Variants in TMCC1 observed in about 807,000 individuals in gnomAD.
TMCC1 encodes the protein transmembrane and coiled-coil domain family 1.
TMCC1 carries 15 observed loss-of-function variants against 52.4 expected under a neutral mutation model. That is an observed-to-expected ratio of 0.29 (90% CI 0.19 to 0.44). The LOEUF (loss-of-function observed/expected upper bound fraction) is 0.44. TMCC1 is among the 20% of genes least tolerant of loss of function. TMCC1 has a pLI of 1.00. For missense variants in TMCC1, 503 were observed against 806.0 expected (o/e 0.62, Z 4.55); for synonymous variants, 279 against 301.9 (o/e 0.92, Z 0.79).
chr3:129,863,731 G>A (rs778994369), intron 2 of TMCC1, among the ~76,000 whole-genome samples: 67 of 152,122 alleles, frequency 4.4e-4, no homozygotes, highest in Admixed American at 1.0e-3. Flanking sequence ...GCGTGGTGGC[G>A]CGCACCTGTA....
chr3:129,776,079 T>C (rs1454171598), intron 4 of TMCC1, among the ~76,000 whole-genome samples: 1 of 152,156 alleles, frequency 6.6e-6, no homozygotes, highest in African/African-American at 2.4e-5. Flanking sequence ...ACTCCTCCTC[T>C]CTCCCAAGAC....
chr3:129,717,144 AACTC>A (rs1335205321), intron 4 of TMCC1, among the ~76,000 whole-genome samples: 1 of 152,176 alleles, frequency 6.6e-6, no homozygotes, highest in Non-Finnish European at 1.5e-5. Context: ...AGATTATTCA[AACTC>A]ACTGTCTACA....
chr3:129,843,341 C>A (rs1198339596), intron 2 of TMCC1, among the ~76,000 whole-genome samples: 1 of 150,118 alleles, frequency 6.7e-6, no homozygotes, highest in Non-Finnish European at 1.5e-5. Flanking sequence ...AGCAAGACAC[C>A]GTCTCAAAAA....
chr3:129,664,801 A>G (rs1156249196), intron 5 of TMCC1, among the ~76,000 whole-genome samples: 1 of 152,220 alleles, frequency 6.6e-6, no homozygotes, highest in African/African-American at 2.4e-5. Context: ...TTGGTAGCCT[A>G]TTAATATATT....
At chr3:129,881,208 G>C (rs959421516) in intron 1 of TMCC1, among the ~76,000 whole-genome samples, 1 of 152,156 alleles carries the variant, frequency 6.6e-6, no homozygotes, top group Non-Finnish European at 1.5e-5. Context: ...TGATCACATG[G>C]AGGTAATACC....
At chr3:129,845,993 C>A (rs1289698635) in intron 2 of TMCC1, among the ~76,000 whole-genome samples, 1 of 151,616 alleles carries the variant, frequency 6.6e-6, no homozygotes, top group East Asian at 1.9e-4. Flanking sequence ...GTGTTCACAT[C>A]ACTGCACTTC....
At chr3:129,772,783 T>C (rs1223352992) in intron 4 of TMCC1, among the ~76,000 whole-genome samples, 1 of 145,884 alleles carries the variant, frequency 6.9e-6, no homozygotes, top group Non-Finnish European at 1.5e-5. Context: ...TTTAAACATA[T>C]GAAAAGATAC....
At chr3:129,814,731 CAAA>C (rs1292027361) in intron 4 of TMCC1, among the ~76,000 whole-genome samples, 2 of 151,572 alleles carry the variant, frequency 1.3e-5, no homozygotes, top group Non-Finnish European at 2.9e-5. Flanking sequence ...AACTGGAAAA[CAAA>C]AAAGAGTAGA....
intron 2 of TMCC1, among the ~76,000 whole-genome samples, chr3:129,868,041 A>G (rs1456744433): frequency 1.3e-5 from 2 of 152,230 alleles, no homozygotes; most frequent in Admixed American, 6.5e-5. Flanking sequence ...AACATTTAAA[A>G]TATTAATTTA....
At chr3:129,705,680 GC>G (rs1227900240) in intron 4 of TMCC1, among the ~76,000 whole-genome samples, 18 of 147,110 alleles carry the variant, frequency 1.2e-4, no homozygotes, top group East Asian at 8.1e-4. Flanking sequence ...TCGGCTCACT[GC>G]AAGCTCCGCC....
At chr3:129,657,902 T>C (rs1028302428) in intron 5 of TMCC1, among the ~76,000 whole-genome samples, 5 of 152,130 alleles carry the variant, frequency 3.3e-5, no homozygotes, top group African/African-American at 1.2e-4. Context: ...ACCCCAGATA[T>C]AACTGAAAAG....
chr3:129,734,223 T>A (rs907914169), intron 4 of TMCC1, among the ~76,000 whole-genome samples: 4 of 152,200 alleles, frequency 2.6e-5, no homozygotes, highest in African/African-American at 9.7e-5. Flanking sequence ...TAAAACAGAA[T>A]ACTATACAAC....
intron 4 of TMCC1, among the ~76,000 whole-genome samples, chr3:129,703,969 G>A (rs986342614): frequency 6.6e-6 from 1 of 152,168 alleles, no homozygotes. Context: ...AGACCAGAGG[G>A]GAGATTACTA....
intron 4 of TMCC1, among the ~76,000 whole-genome samples, chr3:129,794,792 T>C (rs1221217481): frequency 2.6e-5 from 4 of 152,054 alleles, no homozygotes; most frequent in Admixed American, 2.6e-4. Context: ...CTGCTCCAAG[T>C]AGGAGACAGG....
chr3:129,762,011 A>C (rs2053648361), intron 4 of TMCC1, among the ~76,000 whole-genome samples: 1 of 145,298 alleles, frequency 6.9e-6, no homozygotes, highest in Non-Finnish European at 1.5e-5. Flanking sequence ...AAAAAAAAGT[A>C]CTAGTAGAAT....
chr3:129,761,761 C>T (rs1454780003), intron 4 of TMCC1, among the ~76,000 whole-genome samples: 1 of 152,048 alleles, frequency 6.6e-6, no homozygotes, highest in Non-Finnish European at 1.5e-5. Flanking sequence ...GACGCTGAGG[C>T]AGGCGGATCA....
chr3:129,856,406 A>G (rs1259493034), intron 2 of TMCC1, among the ~76,000 whole-genome samples: 1 of 152,206 alleles, frequency 6.6e-6, no homozygotes, highest in Non-Finnish European at 1.5e-5. Flanking sequence ...GTTAACTCCC[A>G]GTAGTGTCAG....
intron 4 of TMCC1, among the ~76,000 whole-genome samples, chr3:129,755,989 G>A (rs534828561): frequency 3.3e-5 from 5 of 151,824 alleles, no homozygotes; most frequent in East Asian, 1.9e-4. Flanking sequence ...TCCCTGCTAC[G>A]CAGGAGGCTG....
chr3:129,732,376 T>C (rs960177876), intron 4 of TMCC1, among the ~76,000 whole-genome samples: 2 of 152,176 alleles, frequency 1.3e-5, no homozygotes, highest in African/African-American at 4.8e-5. Flanking sequence ...GTCCCACAGA[T>C]GCACCACCCA....
Sources: gnomAD v4.1 joint callset for allele counts (sites outside exome capture counted in the v4.1 genomes callset) on GRCh38, gnomAD v4.1.1 for gene constraint, MANE v1.5 for transcripts, NCBI Gene and HGNC (gene_info 2026-07-23, HGNC 2026-07-21) for gene names.